RALY: variants seen among roughly 807,000 people sequenced by gnomAD.
RALY encodes RALY heterogeneous nuclear ribonucleoprotein, also known as RNA-binding protein Raly.
A neutral mutation model predicts 30.7 loss-of-function variants in RALY; 15 were observed. That is an observed-to-expected ratio of 0.49 (90% CI 0.33 to 0.75). The LOEUF (loss-of-function observed/expected upper bound fraction) is 0.75, where lower values mean the gene tolerates loss of function less well. Among genes scored for constraint, RALY ranks in the 30% least tolerant of loss-of-function variants. The pLI is 0.02. For missense variants in RALY, 339 were observed against 414.3 expected (o/e 0.82, Z 1.58); for synonymous variants, 177 against 170.8 (o/e 1.04, Z -0.28).
intron 8 of RALY, among the ~76,000 whole-genome samples, chr20:34,078,087 C>T (rs2033945117): frequency 6.6e-6 from 1 of 152,194 alleles, no homozygotes; most frequent in Non-Finnish European, 1.5e-5. Flanking sequence ...GGAGGTCTGC[C>T]TTATGCTAGC....
intron 9 of RALY, among the ~76,000 whole-genome samples, chr20:34,079,603 C>T (rs1372140799): frequency 6.6e-6 from 1 of 152,190 alleles, no homozygotes; most frequent in Non-Finnish European, 1.5e-5. Flanking sequence ...GTTTGTTTTG[C>T]CTGGGATGCA....
At chr20:34,065,984 T>C (rs2123232142) in intron 2 of RALY, among the ~76,000 whole-genome samples, 1 of 152,246 alleles carries the variant, frequency 6.6e-6, no homozygotes, top group South Asian at 2.1e-4. Flanking sequence ...TGCCTGAGAC[T>C]AGACTTGATC....
At chr20:34,058,992 GACAA>G (rs2033339012) in intron 2 of RALY, among the ~76,000 whole-genome samples, 1 of 152,118 alleles carries the variant, frequency 6.6e-6, no homozygotes. Flanking sequence ...TTACCAGGGA[GACAA>G]AGGCAGAGTG....
At chr20:34,078,474 T>C in intron 8 of RALY, 31 bp from the exon 9 acceptor site, 1 of 1,544,714 alleles carries the variant, frequency 6.5e-7, no homozygotes, top group Non-Finnish European at 8.7e-7. Context: ...CAATGAGTGA[T>C]GTGTGGTCTC....
At chr20:34,058,763 C>T (rs1268400600) in intron 2 of RALY, among the ~76,000 whole-genome samples, 1 of 152,166 alleles carries the variant, frequency 6.6e-6, no homozygotes, top group Non-Finnish European at 1.5e-5. Context: ...AGGGTTTACT[C>T]ATTTATAAAG....
chr20:34,076,793 T>A lies in RALY; in HGVS notation c.636T>A (p.Ala212=). The change falls in exon 7 of 10, where the codon GCT becomes GCA. Residue 212 remains alanine, a synonymous_variant. Coordinates refer to ENST00000246194, the MANE Select transcript of RALY (RefSeq NM_016732.3). ...TGCTGAGCCGCTTGGAGCAGATCGC[T>A]GCGGAGCAAAAGGCCAATCCAGGTC... ...DALLSRLEQI[A]AEQKANPDGK... is the part of the protein sequence containing the mutation. 6.2e-7 allele frequency: 1 copy of A among 1,614,094 alleles called. No individual in the cohort carries two copies. The highest frequency in any genetic ancestry group is 8.5e-7 in the Non-Finnish European group (1 of 1,180,022).
At chr20:33,996,813 A>G (rs1389574518) in intron 1 of RALY, among the ~76,000 whole-genome samples, 1 of 151,996 alleles carries the variant, frequency 6.6e-6, no homozygotes, top group Non-Finnish European at 1.5e-5. Context: ...GCCCCTGAAA[A>G]CTATCGTTCT....
chr20:34,061,914 A>G (rs1568688155), intron 2 of RALY, among the ~76,000 whole-genome samples: 1 of 152,168 alleles, frequency 6.6e-6, no homozygotes, highest in Non-Finnish European at 1.5e-5. Flanking sequence ...CTGTATCACT[A>G]ATGGTAAAGA....
intron 2 of RALY, 121 bp from the exon 3 acceptor site, chr20:34,071,945 A>AGGCT (rs1366889436): frequency 1.8e-6 from 2 of 1,111,204 alleles, no homozygotes; most frequent in African/African-American, 3.1e-5. Flanking sequence ...AGGAACAGGT[A>AGGCT]GGCTGGATGC....
intron 2 of RALY, among the ~76,000 whole-genome samples, chr20:34,070,786 G>GC (rs1176511275): frequency 2.0e-5 from 3 of 152,122 alleles, no homozygotes; most frequent in African/African-American, 7.2e-5. Context: ...ACCACCCTTA[G>GC]CCACAGCGAG....
intron 2 of RALY, among the ~76,000 whole-genome samples, chr20:34,058,501 A>ATACT (rs112591979): frequency 0.74 from 112,257 of 151,476 alleles, 42,039 homozygotes; most frequent in South Asian, 0.85. Flanking sequence ...CCCTATCCCC[A>ATACT]TACTTCTCAA....
chr20:34,059,941 C>G (rs2033366035), intron 2 of RALY, among the ~76,000 whole-genome samples: 1 of 152,180 alleles, frequency 6.6e-6, no homozygotes, highest in Non-Finnish European at 1.5e-5. Flanking sequence ...TGCTTAGCGT[C>G]CTCTTCCACC....
At chr20:34,027,947 G>A (rs147384752) in intron 1 of RALY, among the ~76,000 whole-genome samples, 9 of 152,296 alleles carry the variant, frequency 5.9e-5, no homozygotes, top group Admixed American at 6.5e-5. Flanking sequence ...TTAGAACTCA[G>A]GTCTCTTATT....
intron 1 of RALY, among the ~76,000 whole-genome samples, chr20:34,026,433 C>T (rs993924600): frequency 1.3e-5 from 2 of 151,352 alleles, no homozygotes; most frequent in Non-Finnish European, 2.9e-5. Flanking sequence ...GGCGGAGTCT[C>T]GCTCTGTCGC....
chr20:34,021,518 C>G (rs2031821203), intron 1 of RALY, among the ~76,000 whole-genome samples: 1 of 152,186 alleles, frequency 6.6e-6, no homozygotes, highest in Non-Finnish European at 1.5e-5. Flanking sequence ...CACTTTCCTG[C>G]AGTAATGACA....
At chr20:34,000,390 A>G (rs1568646292) in intron 1 of RALY, among the ~76,000 whole-genome samples, 1 of 152,150 alleles carries the variant, frequency 6.6e-6, no homozygotes, top group Non-Finnish European at 1.5e-5. Context: ...AGGGACAGAA[A>G]AAGGGTTGGA....
chr20:34,034,656 G>T (rs2032411588), intron 2 of RALY, among the ~76,000 whole-genome samples: 1 of 152,182 alleles, frequency 6.6e-6, no homozygotes. Context: ...GGGAAGTAAA[G>T]CATTGTCATC....
intron 3 of RALY, among the ~76,000 whole-genome samples, chr20:34,072,902 G>A (rs2033767972): frequency 1.3e-5 from 2 of 151,560 alleles, no homozygotes; most frequent in Non-Finnish European, 2.9e-5. Flanking sequence ...GGAGATATGT[G>A]GACACAACCC....
chr20:34,052,849 A>G (rs2033122201), intron 2 of RALY, among the ~76,000 whole-genome samples: 1 of 152,110 alleles, frequency 6.6e-6, no homozygotes, highest in African/African-American at 2.4e-5. Context: ...AAAGATCCTG[A>G]GAGGGGTTTG....
Sources: gnomAD v4.1 joint callset for allele counts (sites outside exome capture counted in the v4.1 genomes callset) on GRCh38, gnomAD v4.1.1 for gene constraint, MANE v1.5 for transcripts, NCBI Gene and HGNC (gene_info 2026-07-23, HGNC 2026-07-21) for gene names.